Variants in TUSC3 observed in about 807,000 individuals in gnomAD.
TUSC3 encodes the protein tumor suppressor candidate 3, also known as dolichyl-diphosphooligosaccharide--protein glycosyltransferase subunit TUSC3.
A neutral mutation model predicts 44.8 loss-of-function variants in TUSC3; 45 were observed. The ratio of observed to expected loss-of-function variants is 1.00; its 90% CI spans 0.79 to 1.29. TUSC3 has a LOEUF of 1.29. TUSC3 is among the 50% of genes most tolerant of loss of function. TUSC3 has a pLI of 0.00. For missense variants in TUSC3, 519 were observed against 437.9 expected, an observed-to-expected ratio of 1.19 and a Z score of -1.65; for synonymous variants, 212 against 152.9, an observed-to-expected ratio of 1.39 and a Z score of -2.85.
At chr8:15,533,647 A>T (rs6999669) in intron 2 of TUSC3, among the ~76,000 whole-genome samples, 1 of 151,992 alleles carries the variant, frequency 6.6e-6, no homozygotes, top group Non-Finnish European at 1.5e-5. Flanking sequence ...GTTCAACAGT[A>T]AAAGGTAGGT....
chr8:15,832,607 G>C, the TUSC3 span, among the ~76,000 whole-genome samples: 7 of 152,140 alleles, frequency 4.6e-5, no homozygotes, highest in African/African-American at 1.7e-4. Context: ...AGCAAATGGA[G>C]AACAGAAAAA....
chr8:15,540,436 G>T lies in TUSC3; in HGVS notation c.6G>T (p.Gly2=). 1 of 1,592,296 alleles carries T rather than the reference G, an allele frequency of 6.3e-7. No individual in the cohort carries two copies. Among genetic ancestry groups the T allele is most frequent in the African/African-American group, 1.4e-5 (1 of 73,616 alleles). ...GGAGACACTGCCCTGCCGCGATGGG[G>T]GCCCGGGGCGCTCCTTCACGCCGTA... M[G]ARGAPSRRRQ... The change falls in exon 1 of 11, where the codon GGG becomes GGT. Residue 2 remains glycine, a synonymous_variant. Coordinates refer to ENST00000503731, the MANE Select transcript of TUSC3 (RefSeq NM_006765.4).
At chr8:15,660,515 A>G (rs1807370110) in intron 4 of TUSC3, among the ~76,000 whole-genome samples, 1 of 151,950 alleles carries the variant, frequency 6.6e-6, no homozygotes, top group African/African-American at 2.4e-5. Context: ...TCTCACAACT[A>G]CTTTTGACAG....
intron 1 of TUSC3, among the ~76,000 whole-genome samples, chr8:15,567,432 C>G (rs1802718487): frequency 6.6e-6 from 1 of 151,984 alleles, no homozygotes; most frequent in Non-Finnish European, 1.5e-5. Flanking sequence ...GGAAACTTGC[C>G]CAGAGTAGGT....
chr8:15,480,286 C>G (rs1320197307), intron 1 of TUSC3, among the ~76,000 whole-genome samples: 1 of 152,158 alleles, frequency 6.6e-6, no homozygotes, highest in Non-Finnish European at 1.5e-5. Flanking sequence ...TATGCTATTC[C>G]CATTTAACTA....
chr8:15,419,996 C>T (rs1445244789), intron 1 of TUSC3, among the ~76,000 whole-genome samples: 1 of 151,998 alleles, frequency 6.6e-6, no homozygotes, highest in East Asian at 1.9e-4. Flanking sequence ...TGAATTCATT[C>T]ATTGAATGAA....
chr8:15,436,821 C>G (rs1585788381), intron 1 of TUSC3, among the ~76,000 whole-genome samples: 1 of 152,282 alleles, frequency 6.6e-6, no homozygotes, highest in East Asian at 1.9e-4. Context: ...GAGGTTAACT[C>G]ATAAGCCTGT....
intron 2 of TUSC3, among the ~76,000 whole-genome samples, chr8:15,491,891 C>T (rs902564992): frequency 2.0e-5 from 3 of 152,188 alleles, no homozygotes; most frequent in African/African-American, 7.2e-5. Flanking sequence ...AATGCATTCG[C>T]TGTTCCACAT....
chr8:15,819,406 C>T, the TUSC3 span, among the ~76,000 whole-genome samples: 13 of 151,954 alleles, frequency 8.6e-5, no homozygotes, highest in African/African-American at 2.7e-4. Flanking sequence ...ATACTACTTT[C>T]TCTCCATCAC....
intron 2 of TUSC3, among the ~76,000 whole-genome samples, chr8:15,526,609 G>C (rs572499678): frequency 5.3e-5 from 8 of 152,012 alleles, no homozygotes; most frequent in South Asian, 2.1e-4. Flanking sequence ...TCATTCTCTC[G>C]TCTGCCGCCA....
chr8:15,647,342 A>G (rs1010885157), intron 2 of TUSC3, among the ~76,000 whole-genome samples: 5 of 152,180 alleles, frequency 3.3e-5, no homozygotes, highest in Admixed American at 1.3e-4. Flanking sequence ...CATCAAAATT[A>G]TGATACATTT....
chr8:15,681,055 G>A lies in TUSC3; in HGVS notation c.798+7219G>A, dbSNP rs1259601955. 2.7e-5 allele frequency among the ~76,000 whole-genome samples: 4 copies of A among 150,160 alleles called. No homozygotes were observed. The East Asian group carries it at 7.8e-4, about 29-fold the overall frequency. ...TATTGGTGTGTAAATTTTTGTTGTTGTGTCTTTGCCAGGTTTTGATATCGG... is the reference window on the plus strand; with the variant it reads ...TATTGGTGTGTAAATTTTTGTTGTTATGTCTTTGCCAGGTTTTGATATCGG... On this transcript the variant is annotated intron_variant, in intron 6 of 10. Transcript: ENST00000503731.
chr8:15,437,759 G>T (rs991125812), intron 1 of TUSC3, among the ~76,000 whole-genome samples: 6 of 152,132 alleles, frequency 3.9e-5, no homozygotes, highest in African/African-American at 1.4e-4. Context: ...GTTTGCTCAT[G>T]GAAACCAGGA....
chr8:15,696,374 A>G (rs981572917), intron 6 of TUSC3, among the ~76,000 whole-genome samples: 10 of 152,086 alleles, frequency 6.6e-5, no homozygotes, highest in African/African-American at 1.9e-4. Flanking sequence ...AGGTTTGGGA[A>G]CCTCTGTATA....
At chr8:15,454,543 C>T (rs76588319) in intron 1 of TUSC3, among the ~76,000 whole-genome samples, 2 of 152,144 alleles carry the variant, frequency 1.3e-5, no homozygotes, top group African/African-American at 4.8e-5. Flanking sequence ...AACTAGTTTC[C>T]AGCTCGCTAT....
At chr8:15,491,740 G>A (rs1322167777) in intron 2 of TUSC3, among the ~76,000 whole-genome samples, 5 of 152,032 alleles carry the variant, frequency 3.3e-5, no homozygotes, top group African/African-American at 9.7e-5. Context: ...GTCTACTACC[G>A]GCCAACGCAG....
chr8:15,437,431 G>A (rs939195191), intron 1 of TUSC3, among the ~76,000 whole-genome samples: 1 of 152,080 alleles, frequency 6.6e-6, no homozygotes, highest in Admixed American at 6.6e-5. Context: ...AAAGAGATTC[G>A]TGATTTTATT....
chr8:15,593,913 A>G (rs569059866), intron 1 of TUSC3, among the ~76,000 whole-genome samples: 4 of 152,128 alleles, frequency 2.6e-5, no homozygotes, highest in Non-Finnish European at 5.9e-5. Context: ...TGCTATAAGC[A>G]TTAATCTACT....
At chr8:15,497,924 T>G (rs962267362) in intron 2 of TUSC3, among the ~76,000 whole-genome samples, 4 of 151,956 alleles carry the variant, frequency 2.6e-5, no homozygotes, top group African/African-American at 9.7e-5. Context: ...AATTTTTATA[T>G]TTTTACTAGA....
Sources: gnomAD v4.1 joint callset for allele counts (sites outside exome capture counted in the v4.1 genomes callset) on GRCh38, gnomAD v4.1.1 for gene constraint, MANE v1.5 for transcripts, NCBI Gene and HGNC (gene_info 2026-07-23, HGNC 2026-07-21) for gene names.